KLRG1: variants seen among roughly 807,000 people sequenced by gnomAD.
The protein encoded by KLRG1 is killer cell lectin like receptor G1, also known as killer cell lectin-like receptor subfamily G member 1.
Under a neutral mutation model 21.8 loss-of-function variants are expected in KLRG1, and 16 were observed. The observed-to-expected ratio is 0.73, with a 90% confidence interval of 0.50 to 1.11. The LOEUF (loss-of-function observed/expected upper bound fraction) is 1.11. Ranked by LOEUF, KLRG1 falls within the 50% of genes most tolerant of loss-of-function variation. The probability of loss-of-function intolerance (pLI) is 0.00; values close to 1 mark genes in which losing one functional copy is unlikely to be tolerated. For synonymous variants in KLRG1, 69 were observed against 75.9 expected (o/e 0.91, Z 0.47); for missense variants, 173 against 218.3 (o/e 0.79, Z 1.31).
the KLRG1 span, among the ~76,000 whole-genome samples, chr12:9,188,604 G>A: frequency 2.6e-5 from 4 of 152,180 alleles, no homozygotes; most frequent in Admixed American, 2.6e-4. Flanking sequence ...CAGACGACAT[G>A]ATTTTATATC....
At chr12:9,020,245 C>T in the KLRG1 span, among the ~76,000 whole-genome samples, 1 of 152,064 alleles carries the variant, frequency 6.6e-6, no homozygotes, top group Non-Finnish European at 1.5e-5. Flanking sequence ...GATTAAGGTA[C>T]AATTGACATA....
the KLRG1 span, among the ~76,000 whole-genome samples, chr12:9,117,147 G>A: frequency 5.9e-5 from 9 of 152,188 alleles, no homozygotes; most frequent in Non-Finnish European, 1.2e-4. Context: ...GAAGAATCAC[G>A]GCACATGCAT....
chr12:9,050,009 T>C, the KLRG1 span, among the ~76,000 whole-genome samples: 1 of 152,230 alleles, frequency 6.6e-6, no homozygotes, highest in Non-Finnish European at 1.5e-5. Context: ...CAGTAATTGT[T>C]GATCCTGACT....
chr12:9,042,691 A>G, the KLRG1 span, among the ~76,000 whole-genome samples: 1 of 152,206 alleles, frequency 6.6e-6, no homozygotes, highest in Admixed American at 6.5e-5. Context: ...AGCTTTTAAA[A>G]GAATTCTGCT....
chr12:9,142,928 G>T, the KLRG1 span, among the ~76,000 whole-genome samples: 4 of 152,114 alleles, frequency 2.6e-5, no homozygotes, highest in Non-Finnish European at 4.4e-5. Flanking sequence ...GTCATTTTAG[G>T]GTCTTTAATA....
the KLRG1 span, chr12:9,070,378 G>A: frequency 6.5e-6 from 5 of 763,922 alleles, no homozygotes; most frequent in South Asian, 8.6e-5. Context: ...AAAGGATAAG[G>A]CTTTGATAGA....
At chr12:9,169,487 A>G in the KLRG1 span, 1 of 1,612,772 alleles carries the variant, frequency 6.2e-7, no homozygotes, top group East Asian at 2.2e-5. Flanking sequence ...AGATGGCTCC[A>G]TTATGAATGA....
chr12:9,153,147 CCA>C, the KLRG1 span: 2 of 1,614,118 alleles, frequency 1.2e-6, no homozygotes, highest in South Asian at 2.2e-5. Context: ...ACATCTTTCC[CCA>C]GTTACTGTTA....
the KLRG1 span, chr12:9,095,742 C>CTT: frequency 0.04 from 11,609 of 291,360 alleles, 1,392 homozygotes; most frequent in African/African-American, 0.094. Context: ...TTATTTGTGA[C>CTT]TTTTTTTTTT....
the KLRG1 span, among the ~76,000 whole-genome samples, chr12:9,052,326 G>C: frequency 6.6e-6 from 1 of 152,176 alleles, no homozygotes; most frequent in Non-Finnish European, 1.5e-5. Context: ...AGTTTTGTAG[G>C]TGTTACCTTT....
the KLRG1 span, among the ~76,000 whole-genome samples, chr12:9,177,404 G>A: frequency 1.2e-4 from 18 of 152,304 alleles, no homozygotes; most frequent in East Asian, 2.5e-3. Flanking sequence ...GGTGGCTGCA[G>A]CTTTGGCCGC....
the KLRG1 span, among the ~76,000 whole-genome samples, chr12:9,016,367 A>G: frequency 1.3e-5 from 2 of 152,218 alleles, no homozygotes. Context: ...ATTAGAGGCT[A>G]CTGCAAGCAA....
the KLRG1 span, among the ~76,000 whole-genome samples, chr12:9,129,187 G>A: frequency 6.6e-6 from 1 of 150,930 alleles, no homozygotes; most frequent in South Asian, 2.1e-4. Flanking sequence ...ATTAAATGAA[G>A]AACTATATTA....
chr12:9,023,554 C>CT, the KLRG1 span, among the ~76,000 whole-genome samples: 4 of 151,246 alleles, frequency 2.6e-5, no homozygotes, highest in African/African-American at 4.9e-5. Flanking sequence ...TTCTATTTAA[C>CT]TTTTTTTTCC....
At chr12:9,107,411 C>A in the KLRG1 span, 1 of 1,283,082 alleles carries the variant, frequency 7.8e-7, no homozygotes, top group Non-Finnish European at 1.1e-6. Context: ...CAATAGCCAA[C>A]ATGGAATTCT....
chr12:9,067,802 C>T, the KLRG1 span: 2 of 1,612,226 alleles, frequency 1.2e-6, no homozygotes, highest in East Asian at 2.2e-5. Context: ...TCCAGCAAAG[C>T]ACTTTTCAGC....
At chr12:9,101,583 G>A in the KLRG1 span, 81 of 1,613,868 alleles carry the variant, frequency 5.0e-5, no homozygotes, top group Non-Finnish European at 5.6e-5. Context: ...CTTGCTTGGG[G>A]AGAACACAAG....
the KLRG1 span, among the ~76,000 whole-genome samples, chr12:9,103,898 C>T: frequency 1.3e-5 from 2 of 152,182 alleles, no homozygotes; most frequent in Middle Eastern, 3.4e-3. Context: ...CTCTTTGAGA[C>T]CCCGTTTTCG....
chr12:9,094,680 G>C, the KLRG1 span, among the ~76,000 whole-genome samples: 4 of 152,166 alleles, frequency 2.6e-5, no homozygotes, highest in Middle Eastern at 6.8e-3. Context: ...TGGGGAAGTT[G>C]AACAGCTTTT....
Sources: gnomAD v4.1 joint callset for allele counts (sites outside exome capture counted in the v4.1 genomes callset) on GRCh38, gnomAD v4.1.1 for gene constraint, MANE v1.5 for transcripts, NCBI Gene and HGNC (gene_info 2026-07-23, HGNC 2026-07-21) for gene names.